The following ZNF385D variants were observed in gnomAD, a reference collection of about 807,000 sequenced individuals.
ZNF385D encodes the protein zinc finger protein 385D.
ZNF385D carries 15 observed loss-of-function variants against 35.8 expected under a neutral mutation model. That is an observed-to-expected ratio of 0.42 (90% confidence interval 0.28 to 0.64). ZNF385D has a LOEUF of 0.64. Among genes scored for constraint, ZNF385D ranks in the 30% least tolerant of loss-of-function variants. ZNF385D has a pLI of 0.23. For missense variants in ZNF385D, 474 were observed against 494.6 expected (o/e 0.96, Z 0.39); for synonymous variants, 212 against 186.8 (o/e 1.13, Z -1.10).
chr3:21,527,586 A>G (rs1031838300), intron 3 of ZNF385D, among the ~76,000 whole-genome samples: 4 of 152,164 alleles, frequency 2.6e-5, no homozygotes, highest in Non-Finnish European at 4.4e-5. Flanking sequence ...TTAATTATCC[A>G]TAGAAATATC....
intron 3 of ZNF385D, among the ~76,000 whole-genome samples, chr3:21,512,227 G>T (rs2125472262): frequency 6.6e-6 from 1 of 151,484 alleles, no homozygotes; most frequent in Admixed American, 6.6e-5. Flanking sequence ...TTTATTTCTT[G>T]GGGGAGAAAA....
At chr3:21,722,114 A>T (rs1327367959) in intron 1 of ZNF385D, among the ~76,000 whole-genome samples, 2 of 151,798 alleles carry the variant, frequency 1.3e-5, no homozygotes, top group Admixed American at 1.3e-4. Context: ...AAAAAAAAAA[A>T]AAAGAGGTAT....
intron 1 of ZNF385D, among the ~76,000 whole-genome samples, chr3:21,733,873 T>C (rs1379973848): frequency 6.6e-6 from 1 of 152,200 alleles, no homozygotes; most frequent in Non-Finnish European, 1.5e-5. Flanking sequence ...ATATCAGTTT[T>C]ATCATAGCCT....
At chr3:21,600,877 A>C (rs1389400128) in intron 2 of ZNF385D, among the ~76,000 whole-genome samples, 1 of 117,494 alleles carries the variant, frequency 8.5e-6, no homozygotes, top group Non-Finnish European at 1.7e-5. Flanking sequence ...TCAAATTTAA[A>C]AATAATAAGT....
At chr3:21,856,824 G>A (rs927140042) in intron 3 of ZNF385D, among the ~76,000 whole-genome samples, 2 of 152,050 alleles carry the variant, frequency 1.3e-5, no homozygotes, top group African/African-American at 4.8e-5. Flanking sequence ...ATAAATGCAA[G>A]GCAATGTCCT....
chr3:22,315,007 G>T (rs1040987763), intron 2 of ZNF385D, among the ~76,000 whole-genome samples: 1 of 152,284 alleles, frequency 6.6e-6, no homozygotes, highest in South Asian at 2.1e-4. Flanking sequence ...AAGCACCCAT[G>T]TTTATGCAAA....
intron 1 of ZNF385D, among the ~76,000 whole-genome samples, chr3:21,687,797 G>C (rs1460265551): frequency 6.6e-6 from 1 of 152,184 alleles, no homozygotes; most frequent in African/African-American, 2.4e-5. Flanking sequence ...TGATTCACCA[G>C]TGATGATCAT....
intron 3 of ZNF385D, among the ~76,000 whole-genome samples, chr3:22,166,549 C>G (rs1034738712): frequency 2.6e-5 from 4 of 152,072 alleles, no homozygotes; most frequent in African/African-American, 9.7e-5. Flanking sequence ...ATGTCCACAT[C>G]TATAAAAGGA....
intron 3 of ZNF385D, among the ~76,000 whole-genome samples, chr3:21,992,998 C>G (rs540446881): frequency 6.6e-6 from 1 of 152,280 alleles, no homozygotes; most frequent in East Asian, 1.9e-4. Flanking sequence ...AATTTTCTCT[C>G]CTTTCAGAAA....
At chr3:21,893,487 C>T (rs1414991368) in intron 3 of ZNF385D, among the ~76,000 whole-genome samples, 9 of 152,126 alleles carry the variant, frequency 5.9e-5, no homozygotes, top group Non-Finnish European at 2.9e-5. Flanking sequence ...GTCATGATCT[C>T]CATAAATAAT....
chr3:21,924,939 C>A (rs1187795333), intron 3 of ZNF385D, among the ~76,000 whole-genome samples: 1 of 152,058 alleles, frequency 6.6e-6, no homozygotes, highest in Non-Finnish European at 1.5e-5. Flanking sequence ...AGGAAGCCAG[C>A]TAATTCTAAC....
chr3:21,551,665 T>C (rs1209704630), intron 3 of ZNF385D, among the ~76,000 whole-genome samples: 1 of 152,128 alleles, frequency 6.6e-6, no homozygotes, highest in Non-Finnish European at 1.5e-5. Context: ...GATAAAATAA[T>C]TGGACAAATT....
chr3:22,125,163 G>A (rs1186555586), intron 3 of ZNF385D, among the ~76,000 whole-genome samples: 1 of 152,106 alleles, frequency 6.6e-6, no homozygotes, highest in African/African-American at 2.4e-5. Context: ...CATCATTATT[G>A]AAGAGACTAT....
intron 1 of ZNF385D, among the ~76,000 whole-genome samples, chr3:21,678,515 G>T (rs6763632): frequency 6.6e-6 from 1 of 151,880 alleles, no homozygotes; most frequent in Non-Finnish European, 1.5e-5. Flanking sequence ...TGTAGAAAAC[G>T]CAACAACAAA....
intron 3 of ZNF385D, among the ~76,000 whole-genome samples, chr3:21,861,655 G>T (rs1697060072): frequency 6.6e-6 from 1 of 152,142 alleles, no homozygotes; most frequent in Non-Finnish European, 1.5e-5. Context: ...ATAGGTGGAT[G>T]TGGTCTTAAT....
At chr3:22,036,869 C>T (rs865839054) in intron 3 of ZNF385D, among the ~76,000 whole-genome samples, 2 of 122,228 alleles carry the variant, frequency 1.6e-5, no homozygotes, top group South Asian at 3.5e-4. Context: ...CCCCTCCCCC[C>T]ACCCCACAAC....
At chr3:22,123,534 C>G (rs919731993) in intron 3 of ZNF385D, among the ~76,000 whole-genome samples, 1 of 152,120 alleles carries the variant, frequency 6.6e-6, no homozygotes, top group Non-Finnish European at 1.5e-5. Context: ...CTCAGCTATT[C>G]TAAAATGTAT....
chr3:22,222,582 C>G (rs996778256), intron 2 of ZNF385D, among the ~76,000 whole-genome samples: 1 of 152,130 alleles, frequency 6.6e-6, no homozygotes, highest in Admixed American at 6.6e-5. Flanking sequence ...ATAACAGGAA[C>G]TAGCAGGACA....
Position 22,308,968 on chromosome 3 carries a change from C to T in ZNF385D, c.106+63482G>A, listed in dbSNP as rs376780504. Among the ~76,000 whole-genome samples, 11 of 151,986 alleles carry T rather than the reference C, an allele frequency of 7.2e-5. No individual in the cohort carries two copies. The South Asian group carries it at 1.0e-3, about 14-fold the overall frequency. On this transcript the variant is annotated intron_variant, in intron 2 of 5. Transcript: ENST00000494108. ...TTTTCTAACTGCAAATTGATGAATC[C>T]CTACCTTGCTTCTGCAATAAAATAA...
Sources: gnomAD v4.1 joint callset for allele counts (sites outside exome capture counted in the v4.1 genomes callset) on GRCh38, gnomAD v4.1.1 for gene constraint, MANE v1.5 for transcripts, NCBI Gene and HGNC (gene_info 2026-07-23, HGNC 2026-07-21) for gene names.